The following KCNQ1 variants were observed in gnomAD, a reference collection of about 807,000 sequenced individuals.
The protein encoded by KCNQ1 is potassium voltage-gated channel subfamily KQT member 1.
A neutral mutation model predicts 72.4 loss-of-function variants in KCNQ1; 49 were observed. The observed-to-expected ratio is 0.68, with a 90% CI of 0.54 to 0.86. The LOEUF (loss-of-function observed/expected upper bound fraction) is 0.86, where lower values mean the gene tolerates loss of function less well. Ranked by LOEUF, KCNQ1 falls within the 40% of genes least tolerant of loss-of-function variation. KCNQ1 has a pLI of 0.00. For missense variants in KCNQ1, 790 were observed against 945.1 expected (o/e 0.84, Z 2.15); for synonymous variants, 450 against 412.6 (o/e 1.09, Z -1.10).
intron 11 of KCNQ1, among the ~76,000 whole-genome samples, chr11:2,732,993 A>T (rs1019833112): frequency 1.3e-5 from 2 of 152,064 alleles, no homozygotes; most frequent in African/African-American, 4.8e-5. Context: ...CAAGCCAGCC[A>T]GGGTCCTGGG....
chr11:2,731,670 C>T (rs150180006), intron 11 of KCNQ1, among the ~76,000 whole-genome samples: 178 of 152,350 alleles, frequency 1.2e-3, no homozygotes, highest in Middle Eastern at 6.8e-3. Context: ...CCCCCAGCAG[C>T]GCACACAGGA....
chr11:2,581,436 C>A (rs1216392754), intron 6 of KCNQ1, among the ~76,000 whole-genome samples: 2 of 152,224 alleles, frequency 1.3e-5, no homozygotes, highest in Admixed American at 1.3e-4. Context: ...GGCAGCCCAG[C>A]CTGTGCATGT....
intron 11 of KCNQ1, among the ~76,000 whole-genome samples, chr11:2,731,040 A>G (rs577066157): frequency 6.6e-6 from 1 of 152,354 alleles, no homozygotes; most frequent in African/African-American, 2.4e-5. Flanking sequence ...GGGAGCAAAC[A>G]CTTCCTTTGG....
rs1168157749 is a variant in KCNQ1, at chr11:2,762,237, A to G, written c.1515-6607A>G. On this transcript the variant is annotated intron_variant, in intron 11 of 15. Coordinates refer to ENST00000155840, the MANE Select transcript of KCNQ1 (RefSeq NM_000218.3). This position sits in a 1 kb window ranked among gnomAD's most constrained non-coding sequence, Gnocchi z 4.3. Reference sequence around the variant, plus strand: ...TCTTGGGGCCTCCAATTTGTCAAATAGTTTTCTGTTACAGTTCATACTGTT... The same window carrying G: ...TCTTGGGGCCTCCAATTTGTCAAATGGTTTTCTGTTACAGTTCATACTGTT... 6.6e-6 allele frequency among the ~76,000 whole-genome samples: 1 copy of G among 152,188 alleles called. No individual in the cohort carries two copies. The highest frequency in any genetic ancestry group is 1.5e-5 in the Non-Finnish European group (1 of 68,034).
At chr11:2,742,742 CG>C (rs1223272466) in intron 11 of KCNQ1, among the ~76,000 whole-genome samples, 2 of 152,220 alleles carry the variant, frequency 1.3e-5, no homozygotes, top group African/African-American at 2.4e-5. Flanking sequence ...GAATTCGGGG[CG>C]GTCCTGACAG....
At chr11:2,821,995 C>T (rs758948300) in intron 15 of KCNQ1, among the ~76,000 whole-genome samples, 4 of 152,010 alleles carry the variant, frequency 2.6e-5, no homozygotes, top group South Asian at 2.1e-4. Context: ...CCAGGGGCCC[C>T]GAATGTGATC....
intron 6 of KCNQ1, among the ~76,000 whole-genome samples, chr11:2,577,578 G>A (rs1329031627): frequency 2.0e-5 from 3 of 152,202 alleles, no homozygotes; most frequent in East Asian, 3.9e-4. Flanking sequence ...CCTGGCCCTC[G>A]TGAATTGGTG....
intron 15 of KCNQ1, among the ~76,000 whole-genome samples, chr11:2,843,200 G>T (rs1848249694): frequency 6.6e-6 from 1 of 152,246 alleles, no homozygotes; most frequent in South Asian, 2.1e-4. Flanking sequence ...AAGCACTAAA[G>T]CAAAGTCAAA....
intron 10 of KCNQ1, chr11:2,650,961 AATCT>A (rs143246270): frequency 0.071 from 28,121 of 398,414 alleles, 1,120 homozygotes; most frequent in Middle Eastern, 0.11. Context: ...ACCCCTTTCT[AATCT>A]ATCAGTATGT....
At position 2,657,371 on chromosome 11, in the gene KCNQ1, C is replaced by T. The variant is rs1176174530; in HGVS notation, c.1394-4590C>T. 7.5e-6 allele frequency: 3 copies of T among 398,452 alleles called. No homozygotes were observed. The highest frequency in any genetic ancestry group is 7.1e-5 in the East Asian group (2 of 28,074). 24.7% of individuals were successfully genotyped at this position (398,452 alleles called of 1,614,324 possible). A position where few individuals can be genotyped will look rare whatever the true frequency, so the allele number is the denominator to read the frequency against. On this transcript the variant is annotated intron_variant, in intron 10 of 15. Coordinates refer to ENST00000155840, the MANE Select transcript of KCNQ1 (RefSeq NM_000218.3). This position sits in a 1 kb window ranked among gnomAD's most constrained non-coding sequence, Gnocchi z 4.8. ...AGGCATATTTCTCCATTTATATCTT[C>T]TTCATTGTCTCTTACTAAAGTTTTA...
rs74892906 is a variant in KCNQ1 at position 2,486,456 on chromosome 11, A to C, written c.386+40972A>C. 2.7e-4 allele frequency among the ~76,000 whole-genome samples: 41 copies of C among 151,928 alleles called. 1 individual carries two copies. The East Asian group carries it at 7.7e-3, about 29-fold the overall frequency. ...CTCTCATTCTGTGGGGTGCCTTTTT[A>C]CTCCGTTGATAGTGTCTTTGTACAA... On this transcript the variant is annotated intron_variant, in intron 1 of 15. Transcript: ENST00000155840. This position sits in a 1 kb window ranked among gnomAD's most constrained non-coding sequence, Gnocchi z 5.0.
At position 2,488,703 on chromosome 11, in the gene KCNQ1, A is replaced by C. The variant is rs1331260811; in HGVS notation, c.387-39225A>C. Among the ~76,000 whole-genome samples, 2 of 152,046 alleles carry C rather than the reference A, an allele frequency of 1.3e-5. No homozygotes were observed. Among genetic ancestry groups the C allele is most frequent in the African/African-American group, 4.8e-5 (2 of 41,402 alleles). ...CTGTAGAATTGATAGTCATGTCCCT[A>C]TTTTCACTTCTGATTTCAGTAGTCT... On this transcript the variant is annotated intron_variant, in intron 1 of 15. Coordinates refer to ENST00000155840, the MANE Select transcript of KCNQ1 (RefSeq NM_000218.3). This position sits in a 1 kb window ranked among gnomAD's most constrained non-coding sequence, Gnocchi z 5.1.
rs1362954317 is a variant in KCNQ1 at position 2,479,871 on chromosome 11, C to A, written c.386+34387C>A. 6.6e-6 allele frequency among the ~76,000 whole-genome samples: 1 copy of A among 152,178 alleles called. No homozygotes were observed. Among genetic ancestry groups the A allele is most frequent in the East Asian group, 1.9e-4 (1 of 5,198 alleles). On this transcript the variant is annotated intron_variant, in intron 1 of 15. Coordinates refer to ENST00000155840, the MANE Select transcript of KCNQ1 (RefSeq NM_000218.3). The surrounding 1 kb of genome is among the most constrained non-coding windows in gnomAD (Gnocchi z 4.6). ...AAAACTGAATGCTTTTAACAACACC[C>A]AAGTCACCTCTTGAAAGCTTTGCAG...
Position 2,787,966 on chromosome 11 carries a change from G to A in KCNQ1, c.1794+9929G>A, listed in dbSNP as rs12271773. Among the ~76,000 whole-genome samples the A allele has an allele frequency of 0.1, 15,274 of 152,194 alleles. 862 individuals are homozygous for A. The highest frequency in any genetic ancestry group is 0.19 in the East Asian group (990 of 5,180). On this transcript the variant is annotated intron_variant, in intron 15 of 15. Coordinates refer to ENST00000155840, the MANE Select transcript of KCNQ1 (RefSeq NM_000218.3). This position sits in a 1 kb window ranked among gnomAD's most constrained non-coding sequence, Gnocchi z 6.3. ...CACACAGATTCAGCTATGGGACAGC[G>A]CTGCTTTGGACGGGCATGGCCGTGC...
rs1435432171 is a variant in KCNQ1 at position 2,693,277 on chromosome 11, C to A, written c.1514+31196C>A. The A allele has an allele frequency of 1.5e-5, 6 of 398,618 alleles. No individual in the cohort carries two copies. In the Admixed American group the frequency reaches 1.8e-4, roughly 12 times the overall value. 24.7% of individuals were successfully genotyped at this position (398,618 alleles called of 1,614,324 possible). On this transcript the variant is annotated intron_variant, in intron 11 of 15. Transcript: ENST00000155840. ...GCTACCAGGCTTAACAACTCAGATG[C>A]ACACCCTCCACAACTGCTCTTAGCA...
intron 15 of KCNQ1, among the ~76,000 whole-genome samples, chr11:2,842,954 C>A (rs987193330): frequency 9.9e-5 from 15 of 152,212 alleles, no homozygotes; most frequent in Admixed American, 2.0e-4. Context: ...CAAGGTCACC[C>A]GGCCAGGAAG....
At chr11:2,604,402 C>T (rs71457953) in intron 10 of KCNQ1, among the ~76,000 whole-genome samples, 6 of 151,306 alleles carry the variant, frequency 4.0e-5, no homozygotes, top group African/African-American at 9.7e-5. Context: ...TGCTTGAACC[C>T]GGGAGGAAGA....
intron 11 of KCNQ1, among the ~76,000 whole-genome samples, chr11:2,721,688 C>T (rs1013955611): frequency 6.6e-6 from 1 of 152,226 alleles, no homozygotes; most frequent in Non-Finnish European, 1.5e-5. Flanking sequence ...TCTGATGCTG[C>T]AGATCACGCC....
At chr11:2,578,891 C>G (rs936179019) in intron 6 of KCNQ1, among the ~76,000 whole-genome samples, 1 of 152,214 alleles carries the variant, frequency 6.6e-6, no homozygotes, top group South Asian at 2.1e-4. Context: ...GTCTGCCTGG[C>G]CACTTTCTAA....
Sources: allele counts gnomAD v4.1 joint callset (sites outside exome capture counted in the v4.1 genomes callset), GRCh38; gene constraint gnomAD v4.1.1; non-coding constraint Gnocchi (gnomAD v3.1); transcripts MANE v1.5; gene names NCBI Gene and HGNC (gene_info 2026-07-23, HGNC 2026-07-21).